The following MYO5B variants were observed in gnomAD, a reference collection of about 807,000 sequenced individuals.
MYO5B encodes the protein unconventional myosin-Vb.
A neutral mutation model predicts 229.3 loss-of-function variants in MYO5B; 143 were observed. The ratio of observed to expected loss-of-function variants is 0.62; its 90% CI spans 0.54 to 0.72. The LOEUF (loss-of-function observed/expected upper bound fraction) is 0.72. Among genes scored for constraint, MYO5B ranks in the 30% least tolerant of loss-of-function variants. The pLI is 0.00. For missense variants in MYO5B, 2,321 were observed against 2,331.0 expected (o/e 1.00, Z 0.09); for synonymous variants, 918 against 885.2 (o/e 1.04, Z -0.66).
At position 49,826,214 on chromosome 18, in the gene MYO5B, A is replaced by G; in HGVS notation, c.*257T>C. The G allele has an allele frequency of 2.1e-6, 1 of 472,924 alleles. No homozygotes were observed. The highest frequency in any genetic ancestry group is 3.3e-5 in the Admixed American group (1 of 30,124). 29.3% of individuals were successfully genotyped at this position (472,924 alleles called of 1,614,324 possible). The stretch of plus-strand genomic sequence containing the variant: ...TGTCTATGGGGACTGCTTGGTGTCT[A>G]TAAATTATGTATATGTGTTGGACTG... On this transcript the variant is annotated 3_prime_UTR_variant, in exon 40 of 40. Transcript: ENST00000285039.
chr18:50,066,984 T>C (rs1253993022), intron 1 of MYO5B, among the ~76,000 whole-genome samples: 1 of 152,222 alleles, frequency 6.6e-6, no homozygotes, highest in Non-Finnish European at 1.5e-5. Context: ...AGCTTTATCC[T>C]GAAATGTCCT....
At chr18:49,999,677 G>T (rs73442574) in intron 5 of MYO5B, among the ~76,000 whole-genome samples, 29 of 152,314 alleles carry the variant, frequency 1.9e-4, no homozygotes. Flanking sequence ...ACATTTTCCA[G>T]TGAGCCCATC....
chr18:50,186,395 T>C (rs1201284742), intron 1 of MYO5B, among the ~76,000 whole-genome samples: 1 of 152,260 alleles, frequency 6.6e-6, no homozygotes, highest in Non-Finnish European at 1.5e-5. Flanking sequence ...TGAAAAATGC[T>C]TTTTAATTTT....
chr18:50,136,498 C>T (rs1391065150), intron 1 of MYO5B, among the ~76,000 whole-genome samples: 1 of 151,696 alleles, frequency 6.6e-6, no homozygotes. Flanking sequence ...GGCTCTTGCT[C>T]ATTCTTTTTA....
chr18:50,107,299 T>C (rs916446818), intron 1 of MYO5B, among the ~76,000 whole-genome samples: 2 of 151,636 alleles, frequency 1.3e-5, no homozygotes, highest in Non-Finnish European at 2.9e-5. Context: ...GTATTTTTAG[T>C]GGAGACAGGT....
intron 1 of MYO5B, among the ~76,000 whole-genome samples, chr18:50,066,424 A>T (rs1377390285): frequency 6.6e-6 from 1 of 151,908 alleles, no homozygotes; most frequent in Non-Finnish European, 1.5e-5. Context: ...CAGTTTTGAA[A>T]CCTCCTTATT....
chr18:50,173,586 A>C (rs537632275), intron 1 of MYO5B, among the ~76,000 whole-genome samples: 16 of 152,292 alleles, frequency 1.1e-4, no homozygotes, highest in Admixed American at 1.0e-3. Flanking sequence ...TGGTGGCTGG[A>C]GGTCAGAGCA....
At chr18:49,838,993 A>C in intron 36 of MYO5B, 151 bp downstream of exon 36, 1 of 905,552 alleles carries the variant, frequency 1.1e-6, no homozygotes, top group Non-Finnish European at 1.8e-6. Flanking sequence ...CATGATGTGC[A>C]CACCTCAGTT....
intron 1 of MYO5B, among the ~76,000 whole-genome samples, chr18:50,160,793 A>G (rs1240655091): frequency 6.6e-6 from 1 of 152,138 alleles, no homozygotes; most frequent in Non-Finnish European, 1.5e-5. Context: ...AATCCTCAGC[A>G]CATATCAACT....
intron 27 of MYO5B, 103 bp downstream of exon 27, chr18:49,872,064 G>T: frequency 1.8e-6 from 2 of 1,102,042 alleles, no homozygotes; most frequent in Non-Finnish European, 2.8e-6. Context: ...TGCTCTCCTT[G>T]TTAGCAGACT....
chr18:50,050,674 C>G (rs556526092), intron 2 of MYO5B, among the ~76,000 whole-genome samples: 1 of 152,172 alleles, frequency 6.6e-6, no homozygotes, highest in Non-Finnish European at 1.5e-5. Flanking sequence ...CTCAGAGAAA[C>G]GCTTCTCCAC....
intron 1 of MYO5B, among the ~76,000 whole-genome samples, chr18:50,071,650 C>T (rs1289594538): frequency 1.3e-5 from 2 of 152,230 alleles, no homozygotes; most frequent in African/African-American, 2.4e-5. Flanking sequence ...TGACACTGCA[C>T]TTCTCTCTGC....
chr18:49,929,458 ACT>A (rs2025165183), intron 17 of MYO5B, 52 bp downstream of exon 17: 1 of 1,484,446 alleles, frequency 6.7e-7, no homozygotes, highest in African/African-American at 1.4e-5. Flanking sequence ...GGGGAACCAA[ACT>A]CTGGCTGCTC....
intron 9 of MYO5B, among the ~76,000 whole-genome samples, chr18:49,976,802 C>T (rs1363593554): frequency 3.9e-5 from 6 of 152,178 alleles, no homozygotes. Flanking sequence ...TGAAGCCAAC[C>T]TGTCTCCCCT....
chr18:49,949,563 G>A (rs997571825), intron 14 of MYO5B, among the ~76,000 whole-genome samples: 4 of 152,036 alleles, frequency 2.6e-5, no homozygotes, highest in Admixed American at 6.5e-5. Flanking sequence ...GGAGTTCTTC[G>A]AACATCCCTT....
intron 4 of MYO5B, among the ~76,000 whole-genome samples, chr18:50,029,523 T>G (rs2026366231): frequency 6.6e-6 from 1 of 152,242 alleles, no homozygotes; most frequent in African/African-American, 2.4e-5. Context: ...CTGACTGAAG[T>G]CCTGGTTTCA....
intron 12 of MYO5B, among the ~76,000 whole-genome samples, chr18:49,957,760 A>T (rs1355039833): frequency 6.7e-6 from 1 of 150,236 alleles, no homozygotes; most frequent in East Asian, 2.0e-4. Context: ...TTCCTGGGCC[A>T]CTGGCACCAA....
chr18:49,962,204 T>C, intron 12 of MYO5B, 62 bp downstream of exon 12: 3 of 1,605,508 alleles, frequency 1.9e-6, no homozygotes, highest in South Asian at 1.1e-5. Context: ...TGAGATCTTA[T>C]GTGATTTCCT....
At chr18:50,170,088 C>T (rs1465889857) in intron 1 of MYO5B, among the ~76,000 whole-genome samples, 1 of 127,634 alleles carries the variant, frequency 7.8e-6, no homozygotes, top group African/African-American at 3.0e-5. Context: ...TACTATTTCC[C>T]CACTATTGCT....
Sources: gnomAD v4.1 joint callset for allele counts (sites outside exome capture counted in the v4.1 genomes callset) on GRCh38, gnomAD v4.1.1 for gene constraint, MANE v1.5 for transcripts, NCBI Gene and HGNC (gene_info 2026-07-23, HGNC 2026-07-21) for gene names.